NINJ1: variants seen among roughly 807,000 people sequenced by gnomAD.
NINJ1 encodes the protein ninjurin 1.
In NINJ1, 6 loss-of-function variants were observed where a neutral mutation model predicts 12.7. The observed-to-expected ratio is 0.47, with a 90% CI of 0.26 to 0.93. The LOEUF is 0.93. Among genes scored for constraint, NINJ1 ranks in the 40% least tolerant of loss-of-function variants. The pLI is 0.15. For synonymous variants in NINJ1, 100 were observed against 96.0 expected (o/e 1.04, Z -0.25); for missense variants, 170 against 213.0 (o/e 0.80, Z 1.26).
chr9:93,133,567 G>A (rs1430064056), intron 1 of NINJ1, among the ~76,000 whole-genome samples: 2 of 152,228 alleles, frequency 1.3e-5, no homozygotes, highest in African/African-American at 4.8e-5. Context: ...ACTGAAGGCT[G>A]TGTGACGTTT....
chr9:93,129,755 A>G (rs575443413), intron 1 of NINJ1, among the ~76,000 whole-genome samples: 1 of 152,338 alleles, frequency 6.6e-6, no homozygotes, highest in East Asian at 1.9e-4. Flanking sequence ...GGGCTGCCCC[A>G]GGATACAGCA....
intron 3 of NINJ1, among the ~76,000 whole-genome samples, chr9:93,124,582 C>CTTT (rs11434963): frequency 4.3e-4 from 65 of 149,484 alleles, no homozygotes; most frequent in African/African-American, 1.3e-3. Context: ...ACCCAGAAAT[C>CTTT]TTTTTTTTTT....
Position 93,124,975 on chromosome 9 carries a change from A to G in NINJ1, c.392T>C (p.Val131Ala). The G allele has an allele frequency of 6.2e-7, 1 of 1,614,074 alleles. No homozygotes were observed. The highest frequency in any genetic ancestry group is 8.5e-7 in the Non-Finnish European group (1 of 1,179,958). The change falls in exon 3 of 4, where the codon GTA becomes GCA. Residue 131 changes from valine to alanine, a missense_variant. Physicochemically the swap from Val to Ala is moderately conservative, Grantham distance 64 (BLOSUM62 0). Coordinates refer to ENST00000375446, the MANE Select transcript of NINJ1 (RefSeq NM_004148.4). Reference sequence around the variant, plus strand: ...GAAGGCCGTGATGAAGATGTTGACTACCACGATGATGAACACCAGGCCCGT... The same window carrying G: ...GAAGGCCGTGATGAAGATGTTGACTGCCACGATGATGAACACCAGGCCCGT... ...LATGLVFIIVVVNIFITAFGV... is the reference protein window; with the variant it reads ...LATGLVFIIVAVNIFITAFGV...
intron 1 of NINJ1, among the ~76,000 whole-genome samples, chr9:93,126,900 C>T (rs1164273789): frequency 6.6e-6 from 1 of 152,176 alleles, no homozygotes; most frequent in East Asian, 1.9e-4. Flanking sequence ...TCTGATTTTC[C>T]ACTGGAAAGC....
chr9:93,132,539 C>T (rs1827910058), intron 1 of NINJ1, among the ~76,000 whole-genome samples: 1 of 152,240 alleles, frequency 6.6e-6, no homozygotes. Context: ...AGCCAATGTC[C>T]CCACCTCCAC....
intron 1 of NINJ1, among the ~76,000 whole-genome samples, chr9:93,127,954 C>T (rs1296183055): frequency 6.6e-6 from 1 of 152,248 alleles, no homozygotes; most frequent in Non-Finnish European, 1.5e-5. Context: ...ACAGAACCAG[C>T]AGAGGGCAGG....
chr9:93,128,385 G>A (rs1587665315), intron 1 of NINJ1, among the ~76,000 whole-genome samples: 2 of 152,332 alleles, frequency 1.3e-5, no homozygotes, highest in Admixed American at 6.5e-5. Flanking sequence ...ATTGCAGCTT[G>A]GAGGAGGTTT....
Position 93,126,639 on chromosome 9 carries a change from C to G in NINJ1, c.76-1G>C. On this transcript the variant is annotated splice_acceptor_variant, in intron 1 of 3. Transcript: ENST00000375446. LOFTEE classifies it high-confidence loss of function. The stretch of plus-strand genomic sequence containing the variant: ...CGTGCCTCCAGCCCCAGCGGGCCGG[C>G]TGCAGGGAGGGGAATGGTCAGCAAG... 1 of 1,589,218 alleles carries G rather than the reference C, an allele frequency of 6.3e-7. No homozygotes were observed.
intron 1 of NINJ1, among the ~76,000 whole-genome samples, chr9:93,133,535 T>TG (rs1219943861): frequency 1.6e-4 from 25 of 152,360 alleles, no homozygotes; most frequent in African/African-American, 5.8e-4. Flanking sequence ...GGGCAAGTTC[T>TG]GGAGGGCCGG....
intron 1 of NINJ1, 56 bp from the exon 2 acceptor site, chr9:93,126,694 C>A (rs1311570611): frequency 2.8e-6 from 4 of 1,435,964 alleles, no homozygotes; most frequent in Non-Finnish European, 3.8e-6. Flanking sequence ...AAGGGCTGTG[C>A]CTGAGTCGGG....
At chr9:93,132,365 C>T (rs1052149345) in intron 1 of NINJ1, among the ~76,000 whole-genome samples, 1 of 152,324 alleles carries the variant, frequency 6.6e-6, no homozygotes, top group East Asian at 1.9e-4. Flanking sequence ...AGGCCCCTCC[C>T]ATCGGCCTGG....
At chr9:93,127,075 G>A (rs1019750380) in intron 1 of NINJ1, among the ~76,000 whole-genome samples, 1 of 152,102 alleles carries the variant, frequency 6.6e-6, no homozygotes, top group Non-Finnish European at 1.5e-5. Flanking sequence ...CACCGGCCCA[G>A]GCAAGAAGCA....
intron 3 of NINJ1, among the ~76,000 whole-genome samples, chr9:93,123,837 C>A (rs1458362962): frequency 6.6e-6 from 1 of 152,262 alleles, no homozygotes; most frequent in Non-Finnish European, 1.5e-5. Context: ...TGGCCCTGGC[C>A]ATGGCTGCAT....
intron 1 of NINJ1, 83 bp downstream of exon 1, chr9:93,134,060 C>A: frequency 9.0e-7 from 1 of 1,112,496 alleles, no homozygotes; most frequent in Non-Finnish European, 1.3e-6. Flanking sequence ...GCGGACGCGG[C>A]GCACACAGGT....
chr9:93,133,077 T>C (rs956330490), intron 1 of NINJ1, among the ~76,000 whole-genome samples: 3 of 152,152 alleles, frequency 2.0e-5, no homozygotes, highest in East Asian at 3.9e-4. Flanking sequence ...GCTCACACAC[T>C]GGGGCAGGGC....
chr9:93,132,482 A>G (rs141609696), intron 1 of NINJ1, among the ~76,000 whole-genome samples: 1 of 152,172 alleles, frequency 6.6e-6, no homozygotes, highest in Non-Finnish European at 1.5e-5. Flanking sequence ...CACACATCTC[A>G]GAGAGCCAGA....
At position 93,126,450 on chromosome 9, in the gene NINJ1, A is replaced by G. The variant is rs1827810513; in HGVS notation, c.264T>C (p.Leu88=). 12 of 1,614,006 alleles carry G rather than the reference A, an allele frequency of 7.4e-6. No homozygotes were observed. Among genetic ancestry groups the G allele is most frequent in the Admixed American group, 1.7e-5 (1 of 59,990 alleles). ...VPLVVLISIS[L]VLQIGVGVLL... ...GCACCCCCACGCCGATCTGCAGCACAAGGGAGATGGAGATGAGGACCACCA... is the reference window on the plus strand; with the variant it reads ...GCACCCCCACGCCGATCTGCAGCACGAGGGAGATGGAGATGAGGACCACCA... Residue 88 remains leucine, a synonymous_variant, in exon 2 of 4, where the codon CTT becomes CTC. Transcript: ENST00000375446.
At chr9:93,123,840 G>A (rs926743748) in intron 3 of NINJ1, among the ~76,000 whole-genome samples, 2 of 152,248 alleles carry the variant, frequency 1.3e-5, no homozygotes, top group African/African-American at 4.8e-5. Flanking sequence ...CCCTGGCCAT[G>A]GCTGCATCCC....
chr9:93,122,172 A>C lies in NINJ1; in HGVS notation c.*68T>G, dbSNP rs752158669. The C allele has an allele frequency of 6.5e-6, 1 of 153,026 alleles. No individual in the cohort carries two copies. Among genetic ancestry groups the C allele is most frequent in the South Asian group, 2.0e-4 (1 of 4,910 alleles). The allele number at this position is 153,026 out of a possible 1,614,324, so 9.5% of individuals were successfully genotyped here. A position where few individuals can be genotyped will look rare whatever the true frequency, so the allele number is the denominator to read the frequency against. ...ATGTGCAGGGAGGTGGACACCTCACAGGTATGGCGACTCCTGGGGTCGGGC... is the reference window on the plus strand; with the variant it reads ...ATGTGCAGGGAGGTGGACACCTCACCGGTATGGCGACTCCTGGGGTCGGGC... On this transcript the variant is annotated 3_prime_UTR_variant, in exon 4 of 4. Transcript: ENST00000375446.
Sources: allele counts gnomAD v4.1 joint callset (sites outside exome capture counted in the v4.1 genomes callset), GRCh38; gene constraint gnomAD v4.1.1; transcripts MANE v1.5; gene names NCBI Gene and HGNC (gene_info 2026-07-23, HGNC 2026-07-21).